The following SHISA9 variants were observed in gnomAD, a reference collection of about 807,000 sequenced individuals.
SHISA9 encodes the protein shisa family member 9.
In SHISA9, 13 loss-of-function variants were observed where a neutral mutation model predicts 38.0. The observed-to-expected ratio is 0.34, with a 90% CI of 0.22 to 0.54. The LOEUF (loss-of-function observed/expected upper bound fraction) is 0.54, where lower values mean the gene tolerates loss of function less well. SHISA9 is among the 20% of genes least tolerant of loss of function. The pLI is 0.91. For synonymous variants in SHISA9, 275 were observed against 242.0 expected, an observed-to-expected ratio of 1.14 and a Z score of -1.27; for missense variants, 538 against 575.8, an observed-to-expected ratio of 0.93 and a Z score of 0.67.
chr16:13,019,858 CCCTCCCTCCCTCCCTCCCTCCCTCCCTT>C (rs1287962934), intron 2 of SHISA9, among the ~76,000 whole-genome samples: 6 of 25,166 alleles, frequency 2.4e-4, no homozygotes, highest in Admixed American at 5.4e-4. Flanking sequence ...CTCCCTCCCT[CCCTCCCTCCCTCCCTCCCTCCCTCCCTT>C]CTTTCTTTCT....
chr16:12,982,060 G>A (rs755689285), intron 2 of SHISA9, among the ~76,000 whole-genome samples: 35 of 152,180 alleles, frequency 2.3e-4, no homozygotes, highest in African/African-American at 4.3e-4. Context: ...ACTTATGGTC[G>A]TTGAATGCGA....
At chr16:13,316,558 A>T in the SHISA9 span, among the ~76,000 whole-genome samples, 9 of 152,188 alleles carry the variant, frequency 5.9e-5, no homozygotes, top group Non-Finnish European at 1.3e-4. Flanking sequence ...AGCCAGTACC[A>T]TGTTCCAGTC....
downstream of SHISA9, among the ~76,000 whole-genome samples, chr16:13,243,444 G>C (rs569620616): frequency 8.5e-5 from 13 of 152,094 alleles, no homozygotes; most frequent in East Asian, 1.9e-4. Context: ...AACTCAAAGT[G>C]GGGGGGCTTC....
the SHISA9 span, among the ~76,000 whole-genome samples, chr16:13,518,036 T>C: frequency 8.5e-5 from 13 of 152,182 alleles, no homozygotes; most frequent in African/African-American, 3.1e-4. Flanking sequence ...GAAGCCAGTC[T>C]GGTGAATTGC....
At chr16:13,284,137 C>G in the SHISA9 span, among the ~76,000 whole-genome samples, 1 of 152,186 alleles carries the variant, frequency 6.6e-6, no homozygotes, top group Non-Finnish European at 1.5e-5. Flanking sequence ...CTCAACTTAG[C>G]AGAACTGCTG....
chr16:13,092,469 G>A (rs1350358801), intron 2 of SHISA9, among the ~76,000 whole-genome samples: 2 of 152,212 alleles, frequency 1.3e-5, no homozygotes, highest in Non-Finnish European at 2.9e-5. Flanking sequence ...AGCTGTGGTG[G>A]GCTCCGTCCA....
intron 2 of SHISA9, among the ~76,000 whole-genome samples, chr16:12,991,504 C>A (rs1309479361): frequency 6.6e-6 from 1 of 152,042 alleles, no homozygotes; most frequent in African/African-American, 2.4e-5. Context: ...TATGAAAGTA[C>A]CTGAAGTTTG....
At chr16:13,515,563 T>C in the SHISA9 span, among the ~76,000 whole-genome samples, 1 of 152,166 alleles carries the variant, frequency 6.6e-6, no homozygotes, top group Non-Finnish European at 1.5e-5. Context: ...ACAGATATGT[T>C]TGACAGCAAA....
At chr16:13,103,157 G>C (rs1490772509) in intron 2 of SHISA9, among the ~76,000 whole-genome samples, 1 of 152,172 alleles carries the variant, frequency 6.6e-6, no homozygotes, top group Non-Finnish European at 1.5e-5. Flanking sequence ...GTCAGTAGCA[G>C]AGCTGGGATT....
chr16:13,400,925 G>C, the SHISA9 span, among the ~76,000 whole-genome samples: 1 of 152,160 alleles, frequency 6.6e-6, no homozygotes, highest in African/African-American at 2.4e-5. Flanking sequence ...GTGAACCCTG[G>C]CATTATGAAT....
chr16:12,975,290 G>T (rs1251114766), intron 2 of SHISA9, among the ~76,000 whole-genome samples: 1 of 152,076 alleles, frequency 6.6e-6, no homozygotes, highest in Non-Finnish European at 1.5e-5. Flanking sequence ...GAATCACAAG[G>T]TCAGGAGTTC....
intron 2 of SHISA9, among the ~76,000 whole-genome samples, chr16:13,157,129 G>C (rs770023241): frequency 6.6e-6 from 1 of 151,726 alleles, no homozygotes; most frequent in Non-Finnish European, 1.5e-5. Context: ...TTCTTCTTAC[G>C]TGTTTATTCA....
chr16:12,915,294 C>A (rs1596526891), intron 1 of SHISA9, among the ~76,000 whole-genome samples: 1 of 152,112 alleles, frequency 6.6e-6, no homozygotes, highest in East Asian at 1.9e-4. Context: ...GACCCTGAGA[C>A]CACGTCTCTA....
At chr16:13,562,782 G>A in the SHISA9 span, 4 of 152,068 alleles carry the variant, frequency 2.6e-5, no homozygotes, top group African/African-American at 9.7e-5. Flanking sequence ...GAGAAGAAAG[G>A]CTAAATCCAC....
intron 2 of SHISA9, among the ~76,000 whole-genome samples, chr16:13,199,789 G>T (rs1460225013): frequency 6.6e-6 from 1 of 152,108 alleles, no homozygotes; most frequent in Non-Finnish European, 1.5e-5. Flanking sequence ...GGAGGTATTG[G>T]GATTGGTTTG....
chr16:13,232,535 A>G (rs2051341663), intron 4 of SHISA9, among the ~76,000 whole-genome samples: 1 of 152,226 alleles, frequency 6.6e-6, no homozygotes, highest in Non-Finnish European at 1.5e-5. Context: ...AGGAGTGACC[A>G]TGGCCCATGA....
At chr16:13,348,591 T>G in the SHISA9 span, among the ~76,000 whole-genome samples, 2 of 151,684 alleles carry the variant, frequency 1.3e-5, no homozygotes, top group African/African-American at 2.4e-5. Context: ...CCATTCAGTC[T>G]CCACAGTCCC....
chr16:13,207,705 A>G (rs1441489404), intron 3 of SHISA9, among the ~76,000 whole-genome samples: 1 of 152,172 alleles, frequency 6.6e-6, no homozygotes, highest in Admixed American at 6.5e-5. Context: ...TGCTTGACTC[A>G]ATGGGTTAGC....
chr16:13,332,205 T>G, the SHISA9 span, among the ~76,000 whole-genome samples: 4 of 152,298 alleles, frequency 2.6e-5, no homozygotes, highest in East Asian at 7.7e-4. Flanking sequence ...ATCTCTGGGA[T>G]GACAAGTTGT....
Sources: gnomAD v4.1 joint callset for allele counts (sites outside exome capture counted in the v4.1 genomes callset) on GRCh38, gnomAD v4.1.1 for gene constraint, MANE v1.5 for transcripts, NCBI Gene and HGNC (gene_info 2026-07-23, HGNC 2026-07-21) for gene names.